RUNX1: variants seen among roughly 807,000 people sequenced by gnomAD.
RUNX1 encodes runt-related transcription factor 1.
In RUNX1, 19 loss-of-function variants were observed where a neutral mutation model predicts 42.8. That is an observed-to-expected ratio of 0.44 (90% CI 0.31 to 0.65). The LOEUF (loss-of-function observed/expected upper bound fraction) is 0.65, where lower values mean the gene tolerates loss of function less well. Ranked by LOEUF, RUNX1 falls within the 30% of genes least tolerant of loss-of-function variation. The probability of loss-of-function intolerance (pLI) is 0.07; values close to 1 mark genes in which losing one functional copy is unlikely to be tolerated. For synonymous variants in RUNX1, 271 were observed against 289.4 expected (o/e 0.94, Z 0.64); for missense variants, 528 against 672.0 (o/e 0.79, Z 2.37).
At chr21:34,992,970 C>T (rs760703371) in intron 2 of RUNX1, among the ~76,000 whole-genome samples, 5 of 152,240 alleles carry the variant, frequency 3.3e-5, no homozygotes, top group East Asian at 1.9e-4. Flanking sequence ...AGACTCCCTC[C>T]GGGTGGTTCT....
intron 2 of RUNX1, among the ~76,000 whole-genome samples, chr21:35,042,738 G>A (rs2059368039): frequency 6.6e-6 from 1 of 152,120 alleles, no homozygotes; most frequent in Admixed American, 6.5e-5. Flanking sequence ...GCACCCCACC[G>A]TATCAGCCTG....
chr21:34,934,579 A>C (rs2146608340), intron 2 of RUNX1, among the ~76,000 whole-genome samples: 1 of 152,312 alleles, frequency 6.6e-6, no homozygotes, highest in Non-Finnish European at 1.5e-5. Context: ...CAAGGAGCTA[A>C]GAGGACTCCA....
At chr21:35,007,419 C>T (rs1160247124) in intron 2 of RUNX1, among the ~76,000 whole-genome samples, 1 of 152,122 alleles carries the variant, frequency 6.6e-6, no homozygotes, top group Admixed American at 6.5e-5. Flanking sequence ...GCCTTAATGC[C>T]CTGGCCCGGT....
chr21:35,045,453 G>A (rs1424035712), intron 2 of RUNX1, among the ~76,000 whole-genome samples: 1 of 152,088 alleles, frequency 6.6e-6, no homozygotes, highest in Non-Finnish European at 1.5e-5. Context: ...TGGACATAGG[G>A]TTTTAAAATG....
At chr21:35,049,098 T>C (rs1601712537) in intron 1 of RUNX1, 70 bp downstream of exon 1, 1 of 573,424 alleles carries the variant, frequency 1.7e-6, no homozygotes. Context: ...AAAACAAATA[T>C]TCAAATTGTT....
At chr21:34,873,955 G>A (rs2834656) in intron 5 of RUNX1, among the ~76,000 whole-genome samples, 34,044 of 152,082 alleles carry the variant, frequency 0.22, 3,946 homozygotes, top group African/African-American at 0.25. Flanking sequence ...CAAAACGAGC[G>A]CATGTCATAG....
At chr21:35,031,079 T>A (rs893952654) in intron 2 of RUNX1, among the ~76,000 whole-genome samples, 2 of 152,210 alleles carry the variant, frequency 1.3e-5, no homozygotes, top group African/African-American at 4.8e-5. Flanking sequence ...CCGGGTGCGG[T>A]GGCTCACGCC....
intron 2 of RUNX1, among the ~76,000 whole-genome samples, chr21:34,957,299 G>A (rs887661520): frequency 3.9e-5 from 6 of 152,202 alleles, no homozygotes; most frequent in African/African-American, 9.7e-5. Context: ...CACTAGGGGC[G>A]AATGAGCAGG....
chr21:34,791,860 G>C lies in RUNX1; in HGVS notation c.*275C>G, dbSNP rs1007121167. ...GTTTGCTTTCCAGCGCGTCCCCTGG[G>C]TGCTGGGGCCGGCGGACACCCTCGA... On this transcript the variant is annotated 3_prime_UTR_variant, in exon 9 of 9. Transcript: ENST00000675419. The C allele has an allele frequency of 3.9e-6, 1 of 253,412 alleles. No individual in the cohort carries two copies. Among genetic ancestry groups the C allele is most frequent in the African/African-American group, 2.2e-5 (1 of 45,126 alleles). 15.7% of individuals were successfully genotyped at this position (253,412 alleles called of 1,614,324 possible). A position where few individuals can be genotyped will look rare whatever the true frequency, so the allele number is the denominator to read the frequency against.
intron 7 of RUNX1, chr21:34,833,975 G>A (rs1601414228): frequency 3.0e-6 from 1 of 335,082 alleles, no homozygotes; most frequent in Non-Finnish European, 5.9e-6. Context: ...AAATAATCTG[G>A]CAATAGCGAG....
At chr21:35,016,114 TG>T (rs2059157515) in intron 2 of RUNX1, among the ~76,000 whole-genome samples, 1 of 152,194 alleles carries the variant, frequency 6.6e-6, no homozygotes, top group Non-Finnish European at 1.5e-5. Flanking sequence ...AGAGACCAAA[TG>T]GGGATGCTGG....
chr21:34,851,454 A>G (rs1431868954), intron 6 of RUNX1, among the ~76,000 whole-genome samples: 1 of 152,266 alleles, frequency 6.6e-6, no homozygotes, highest in Non-Finnish European at 1.5e-5. Context: ...AGACGAAAGT[A>G]TTTAAGATAA....
chr21:34,866,182 G>C (rs539962529), intron 5 of RUNX1, among the ~76,000 whole-genome samples: 1 of 152,220 alleles, frequency 6.6e-6, no homozygotes, highest in African/African-American at 2.4e-5. Flanking sequence ...CAAAGGAGCC[G>C]TCTGCCCTGG....
At chr21:34,985,950 C>A (rs1254481989) in intron 2 of RUNX1, among the ~76,000 whole-genome samples, 1 of 148,818 alleles carries the variant, frequency 6.7e-6, no homozygotes, top group Non-Finnish European at 1.5e-5. Flanking sequence ...ATGGTCGCTG[C>A]AGCCTCAACC....
chr21:35,041,916 T>C (rs920445711), intron 2 of RUNX1, among the ~76,000 whole-genome samples: 5 of 152,190 alleles, frequency 3.3e-5, no homozygotes, highest in African/African-American at 9.7e-5. Context: ...TTCCCTCTTT[T>C]GTAGAAAAGA....
At chr21:34,981,960 G>A (rs1249708113) in intron 2 of RUNX1, among the ~76,000 whole-genome samples, 2 of 152,158 alleles carry the variant, frequency 1.3e-5, no homozygotes, top group Non-Finnish European at 2.9e-5. Flanking sequence ...AGCCTGCAAG[G>A]GTGAGTCTCA....
chr21:34,883,279 T>C (rs1421520804), intron 4 of RUNX1, among the ~76,000 whole-genome samples: 1 of 152,166 alleles, frequency 6.6e-6, no homozygotes, highest in Admixed American at 6.5e-5. Context: ...CAACCATATT[T>C]GGGCACCTAC....
At chr21:34,877,429 C>T (rs983979705) in intron 5 of RUNX1, among the ~76,000 whole-genome samples, 1 of 152,114 alleles carries the variant, frequency 6.6e-6, no homozygotes, top group African/African-American at 2.4e-5. Context: ...GAGTTCAGCC[C>T]GGTCCCCAGA....
chr21:34,892,887 G>A, intron 3 of RUNX1, 38 bp downstream of exon 3: 1 of 1,219,326 alleles, frequency 8.2e-7, no homozygotes, highest in South Asian at 1.2e-5. Context: ...ATGAAGGTGT[G>A]TACTTTATTT....
Sources: gnomAD v4.1 joint callset for allele counts (sites outside exome capture counted in the v4.1 genomes callset) on GRCh38, gnomAD v4.1.1 for gene constraint, MANE v1.5 for transcripts, NCBI Gene and HGNC (gene_info 2026-07-23, HGNC 2026-07-21) for gene names.